The following AHDC1 variants were observed in gnomAD, a reference collection of about 807,000 sequenced individuals.
AHDC1 encodes the protein transcription factor Gibbin.
A neutral mutation model predicts 87.9 loss-of-function variants in AHDC1; 7 were observed. That is an observed-to-expected ratio of 0.08 (90% CI 0.05 to 0.15). AHDC1 has a LOEUF of 0.15. Ranked by LOEUF, AHDC1 falls within the 10% of genes least tolerant of loss-of-function variation. The pLI is 1.00. For synonymous variants in AHDC1, 1,051 were observed against 1,006.8 expected (o/e 1.04, Z -0.83); for missense variants, 1,841 against 2,253.2 (o/e 0.82, Z 3.70).
intron 5 of AHDC1, among the ~76,000 whole-genome samples, chr1:27,557,288 C>T (rs1459263070): frequency 6.8e-6 from 1 of 147,232 alleles, no homozygotes; most frequent in Non-Finnish European, 1.5e-5. Flanking sequence ...CTGCCCTTGG[C>T]CCTTCCAGAC....
chr1:27,543,200 G>A (rs563503505), intron 8 of AHDC1, among the ~76,000 whole-genome samples: 20 of 152,382 alleles, frequency 1.3e-4, no homozygotes, highest in Non-Finnish European at 2.2e-4. Context: ...AGGGAGTAGG[G>A]AGGGGAGAGG....
In AHDC1 at chr1:27,560,059, G is replaced by A. The variant is rs1168977960; in HGVS notation, c.-628-1176C>T. Among the ~76,000 whole-genome samples, 1 of 152,218 alleles carries A rather than the reference G, an allele frequency of 6.6e-6. No homozygotes were observed. The highest frequency in any genetic ancestry group is 1.5e-5 in the Non-Finnish European group (1 of 68,046). On this transcript the variant is annotated intron_variant, in intron 3 of 8. Transcript: ENST00000673934. The surrounding 1 kb of genome is among the most constrained non-coding windows in gnomAD (Gnocchi z 4.1). ...TGGGCTTAAGCGTGTCCATGTGTGGGATCACGCGTTTGCTCAGTTGTGGCT... is the reference window on the plus strand; with the variant it reads ...TGGGCTTAAGCGTGTCCATGTGTGGAATCACGCGTTTGCTCAGTTGTGGCT...
chr1:27,557,207 C>T (rs2019861131), intron 5 of AHDC1, among the ~76,000 whole-genome samples: 1 of 151,230 alleles, frequency 6.6e-6, no homozygotes. Context: ...ACCCTGCCGG[C>T]GGCCCTCCCT....
intron 3 of AHDC1, among the ~76,000 whole-genome samples, chr1:27,576,357 G>A (rs2088749480): frequency 6.6e-6 from 1 of 152,184 alleles, no homozygotes. Context: ...GCCCTCTGCA[G>A]GGAAAGCGTC....
In AHDC1 at chr1:27,598,885, C is replaced by T. The variant is rs960363350; in HGVS notation, c.-629+4512G>A. Among the ~76,000 whole-genome samples the T allele has an allele frequency of 1.1e-4, 17 of 152,268 alleles. 2 individuals are homozygous for T. The South Asian group carries it at 3.3e-3, about 30-fold the overall frequency. Reference sequence around the variant, plus strand: ...GCACCCTACCTTGCACTGGTGACAGCGCCCCCGTCACAAAGCCAGCAGCTT... The same window carrying T: ...GCACCCTACCTTGCACTGGTGACAGTGCCCCCGTCACAAAGCCAGCAGCTT... On this transcript the variant is annotated intron_variant, in intron 3 of 8. Coordinates refer to ENST00000673934, the MANE Select transcript of AHDC1 (RefSeq NM_001371928.1). This position sits in a 1 kb window ranked among gnomAD's most constrained non-coding sequence, Gnocchi z 4.2.
Position 27,563,271 on chromosome 1 carries a change from A to G in AHDC1, c.-628-4388T>C, listed in dbSNP as rs1350754121. On this transcript the variant is annotated intron_variant, in intron 3 of 8. Coordinates refer to ENST00000673934, the MANE Select transcript of AHDC1 (RefSeq NM_001371928.1). This position sits in a 1 kb window ranked among gnomAD's most constrained non-coding sequence, Gnocchi z 6.1. Reference sequence around the variant, plus strand: ...CGCATGCATGCACACACCCACACAAAGAACCTGTCACATAGTTGACCAAGA... The same window carrying G: ...CGCATGCATGCACACACCCACACAAGGAACCTGTCACATAGTTGACCAAGA... 1.3e-5 allele frequency among the ~76,000 whole-genome samples: 2 copies of G among 151,622 alleles called. No homozygotes were observed. The highest frequency in any genetic ancestry group is 2.9e-5 in the Non-Finnish European group (2 of 67,888).
chr1:27,583,172 A>G (rs2088956146), intron 3 of AHDC1, among the ~76,000 whole-genome samples: 1 of 151,858 alleles, frequency 6.6e-6, no homozygotes, highest in Admixed American at 6.6e-5. Context: ...CTGGCCGTTT[A>G]TTTCTATTTC....
At chr1:27,578,156 C>T (rs1489669204) in intron 3 of AHDC1, among the ~76,000 whole-genome samples, 1 of 152,196 alleles carries the variant, frequency 6.6e-6, no homozygotes, top group African/African-American at 2.4e-5. Flanking sequence ...CTAGTCAGAA[C>T]TGGAATGTGC....
intron 3 of AHDC1, among the ~76,000 whole-genome samples, chr1:27,572,636 TA>T (rs1316331487): frequency 1.3e-5 from 2 of 152,086 alleles, no homozygotes; most frequent in East Asian, 3.8e-4. Context: ...TCAACATCCA[TA>T]AACAACTGAC....
chr1:27,587,523 C>A (rs1164146542), intron 3 of AHDC1, among the ~76,000 whole-genome samples: 1 of 152,178 alleles, frequency 6.6e-6, no homozygotes, highest in African/African-American at 2.4e-5. Context: ...AATACCAGTT[C>A]CTCCATGAGC....
chr1:27,589,846 C>T (rs765913427), intron 3 of AHDC1, among the ~76,000 whole-genome samples: 3 of 152,182 alleles, frequency 2.0e-5, no homozygotes, highest in Admixed American at 6.5e-5. Flanking sequence ...CTTCACCCTC[C>T]GCCCTGGGGG....
At chr1:27,589,247 ACATCTGTC>A in intron 3 of AHDC1, among the ~76,000 whole-genome samples, 2 of 152,274 alleles carry the variant, frequency 1.3e-5, no homozygotes, top group South Asian at 4.1e-4. Flanking sequence ...GTGTGCCTCT[ACATCTGTC>A]CACAGTAAAA....
rs1476734032 is a variant in AHDC1, at chr1:27,595,030, G to A, written c.-629+8367C>T. ...GGCCGGGCCATTAGGACTGCCTGTC[G>A]AGGAGGTGCCGGGATCCAGGAGGCA... On this transcript the variant is annotated intron_variant, in intron 3 of 8. Transcript: ENST00000673934. The surrounding 1 kb of genome is among the most constrained non-coding windows in gnomAD (Gnocchi z 4.0). 2.0e-5 allele frequency among the ~76,000 whole-genome samples: 3 copies of A among 152,096 alleles called. No homozygotes were observed. Among genetic ancestry groups the A allele is most frequent in the African/African-American group, 4.8e-5 (2 of 41,360 alleles).
At chr1:27,559,202 C>A (rs1389207957) in intron 3 of AHDC1, among the ~76,000 whole-genome samples, 1 of 152,050 alleles carries the variant, frequency 6.6e-6, no homozygotes, top group African/African-American at 2.4e-5. Flanking sequence ...CAGGTATGCA[C>A]CACCATGCCT....
intron 3 of AHDC1, among the ~76,000 whole-genome samples, chr1:27,572,466 C>T (rs985522258): frequency 2.6e-5 from 4 of 152,182 alleles, no homozygotes; most frequent in African/African-American, 7.2e-5. Context: ...GCAGCCCAAA[C>T]GGCCAGGAGC....
chr1:27,537,363 C>T lies in AHDC1; in HGVS notation c.*44-2447G>A, dbSNP rs140008604. 1.5e-3 allele frequency among the ~76,000 whole-genome samples: 221 copies of T among 152,294 alleles called. 1 individual carries two copies. The highest frequency in any genetic ancestry group is 4.9e-3 in the African/African-American group (205 of 41,552). Reference sequence around the variant, plus strand: ...AGACCCCAAACCAGGGTAATTACCACGCAGGGAGACAGGGGCTGTGCCACG... The same window carrying T: ...AGACCCCAAACCAGGGTAATTACCATGCAGGGAGACAGGGGCTGTGCCACG... On this transcript the variant is annotated intron_variant, in intron 8 of 8. Transcript: ENST00000673934.
intron 3 of AHDC1, among the ~76,000 whole-genome samples, chr1:27,567,396 G>A (rs1050845708): frequency 6.6e-6 from 1 of 152,180 alleles, no homozygotes; most frequent in Admixed American, 6.5e-5. Context: ...GGGCCGGGAG[G>A]GGGGCTGAGG....
At chr1:27,584,355 T>G (rs1180543908) in intron 3 of AHDC1, among the ~76,000 whole-genome samples, 1 of 152,228 alleles carries the variant, frequency 6.6e-6, no homozygotes, top group Non-Finnish European at 1.5e-5. Context: ...TAAACCTTCA[T>G]GTTTTATCTC....
In AHDC1 at chr1:27,547,962, T is replaced by A. The variant is rs1237606231; in HGVS notation, c.4154A>T (p.His1385Leu). ...LDGKHFPPLA[H>L]PPTVFDAGLQ... ...GCCGGCGTCAAACACCGTGGGTGGG[T>A]GGGCCAGCGGTGGGAAATGCTTGCC... Residue 1385 changes from histidine to leucine, a missense_variant, in exon 8 of 9, where the codon CAC (histidine) becomes CTC (leucine). Transcript: ENST00000673934. The surrounding 1 kb of genome is among the most constrained non-coding windows in gnomAD (Gnocchi z 4.9). The A allele has an allele frequency of 6.3e-7, 1 of 1,597,654 alleles. No homozygotes were observed. Among genetic ancestry groups the A allele is most frequent in the Non-Finnish European group, 8.6e-7 (1 of 1,169,132 alleles).
Sources: gnomAD v4.1 joint callset for allele counts (sites outside exome capture counted in the v4.1 genomes callset) on GRCh38, gnomAD v4.1.1 for gene constraint, Gnocchi (gnomAD v3.1) non-coding constraint, MANE v1.5 for transcripts, NCBI Gene and HGNC (gene_info 2026-07-23, HGNC 2026-07-21) for gene names.